Variants in TMEM63B observed in about 807,000 individuals in gnomAD.
The protein encoded by TMEM63B is transmembrane protein 63B.
TMEM63B carries 23 observed loss-of-function variants against 102.6 expected under a neutral mutation model. The ratio of observed to expected loss-of-function variants is 0.22; its 90% confidence interval spans 0.16 to 0.32. The LOEUF (loss-of-function observed/expected upper bound fraction) is 0.32, where lower values mean the gene tolerates loss of function less well. Among genes scored for constraint, TMEM63B ranks in the 10% least tolerant of loss-of-function variants. The pLI is 1.00. For missense variants in TMEM63B, 628 were observed against 1,095.9 expected, an observed-to-expected ratio of 0.57 and a Z score of 6.03; for synonymous variants, 444 against 437.0, an observed-to-expected ratio of 1.02 and a Z score of -0.20.
chr6:44,149,022 T>TGCCCA, intron 15 of TMEM63B, 77 bp downstream of exon 15: 1 of 1,607,198 alleles, frequency 6.2e-7, no homozygotes, highest in South Asian at 1.1e-5. Context: ...CTCTTCCACT[T>TGCCCA]GCCCAGCCCA....
At chr6:44,145,863 A>T (rs1304384214) in intron 10 of TMEM63B, among the ~76,000 whole-genome samples, 1 of 152,226 alleles carries the variant, frequency 6.6e-6, no homozygotes, top group East Asian at 1.9e-4. Flanking sequence ...GGTACTAGTG[A>T]GTCAGTGCCA....
At position 44,150,741 on chromosome 6, in the gene TMEM63B, G is replaced by A. The variant is rs947536596; in HGVS notation, c.1673+112G>A. 2.2e-5 allele frequency: 25 copies of A among 1,143,262 alleles called. No homozygotes were observed. In the Admixed American group the frequency reaches 4.7e-4, roughly 21 times the overall value. The allele number at this position is 1,143,262 out of a possible 1,614,324, so 70.8% of individuals were successfully genotyped here. A position where few individuals can be genotyped will look rare whatever the true frequency, so the allele number is the denominator to read the frequency against. Reference sequence around the variant, plus strand: ...AACAAAGCTTCCAACTCCTGGAGGGGGCAGAAGAGAGAGGATCTGGCGGGG... The same window carrying A: ...AACAAAGCTTCCAACTCCTGGAGGGAGCAGAAGAGAGAGGATCTGGCGGGG... On this transcript the variant is annotated intron_variant, in intron 18 of 23. Coordinates refer to ENST00000323267, the MANE Select transcript of TMEM63B (RefSeq NM_018426.3). This position sits in a 1 kb window ranked among gnomAD's most constrained non-coding sequence, Gnocchi z 4.7.
chr6:44,138,958 A>G, intron 6 of TMEM63B: 2 of 248,848 alleles, frequency 8.0e-6, no homozygotes, highest in Non-Finnish European at 1.6e-5. Context: ...CCACTCCCCC[A>G]GGCCTCCCCC....
chr6:44,155,063 C>T lies in TMEM63B; in HGVS notation c.*180C>T. 4.9e-6 allele frequency: 3 copies of T among 606,494 alleles called. No individual in the cohort carries two copies. The allele number at this position is 606,494 out of a possible 1,614,324, so 37.6% of individuals were successfully genotyped here. ...CCCATGATGGAGGGAGGGAGCCCCC[C>T]AACCTCAGTGAGGAGAGCCCCGAGC... On this transcript the variant is annotated 3_prime_UTR_variant, in exon 24 of 24. Transcript: ENST00000323267.
chr6:44,149,007 G>T, intron 15 of TMEM63B, 62 bp downstream of exon 15: 1 of 1,611,836 alleles, frequency 6.2e-7, no homozygotes. Flanking sequence ...ACCAGGCCCT[G>T]ATCCCTCTTC....
chr6:44,141,655 T>G (rs1764286747), intron 10 of TMEM63B, among the ~76,000 whole-genome samples: 1 of 152,126 alleles, frequency 6.6e-6, no homozygotes, highest in African/African-American at 2.4e-5. Flanking sequence ...GGGATGCACC[T>G]TGGGGCGCAG....
rs747565058 is a variant in TMEM63B, at chr6:44,153,806, C to T, written c.2073C>T (p.Cys691=). Residue 691 remains cysteine, a synonymous_variant, in exon 21 of 24, where the codon TGC becomes TGT. Transcript: ENST00000323267. ...AGGTGGTGGCCGCGCCCATCCTCTGCCTCTTCTGGCTGCTCTTCTTTTCCA... is the reference window on the plus strand; with the variant it reads ...AGGTGGTGGCCGCGCCCATCCTCTGTCTCTTCTGGCTGCTCTTCTTTTCCA... The part of the protein sequence containing the change: ...VNQVVAAPIL[C]LFWLLFFSTM... 1.2e-6 allele frequency: 2 copies of T among 1,614,068 alleles called. No individual in the cohort carries two copies. Among genetic ancestry groups the T allele is most frequent in the Non-Finnish European group, 1.7e-6 (2 of 1,179,990 alleles).
At position 44,133,315 on chromosome 6, in the gene TMEM63B, G is replaced by A. The variant is rs9462963; in HGVS notation, c.-24-1246G>A. ...TGCCCTGTGGTTGAAGTGTTAGGAAGAGGCAGGAGAAACCCTCTGAGTCCC... is the reference window on the plus strand; with the variant it reads ...TGCCCTGTGGTTGAAGTGTTAGGAAAAGGCAGGAGAAACCCTCTGAGTCCC... On this transcript the variant is annotated intron_variant, in intron 1 of 23. Transcript: ENST00000323267. 9.5e-3 allele frequency among the ~76,000 whole-genome samples: 1,445 copies of A among 152,270 alleles called. 19 individuals are homozygous for A. Among genetic ancestry groups the A allele is most frequent in the African/African-American group, 0.031 (1,291 of 41,548 alleles).
At position 44,150,033 on chromosome 6, in the gene TMEM63B, G is replaced by T. The variant is rs1766269697; in HGVS notation, c.1520+68G>T. On this transcript the variant is annotated intron_variant, in intron 16 of 23. Coordinates refer to ENST00000323267, the MANE Select transcript of TMEM63B (RefSeq NM_018426.3). The surrounding 1 kb of genome is among the most constrained non-coding windows in gnomAD (Gnocchi z 4.7). Reference sequence around the variant, plus strand: ...CTCAATGACCCATCCTCTCTGGGCAGCACTTTGCCCTTCAGGCTCCTGGCC... The same window carrying T: ...CTCAATGACCCATCCTCTCTGGGCATCACTTTGCCCTTCAGGCTCCTGGCC... 6 of 1,501,422 alleles carry T rather than the reference G, an allele frequency of 4.0e-6. No homozygotes were observed. The South Asian group carries it at 7.1e-5, about 18-fold the overall frequency. 93.0% of individuals were successfully genotyped at this position (1,501,422 alleles called of 1,614,324 possible).
Position 44,149,909 on chromosome 6 carries a change from G to T in TMEM63B, c.1464G>T (p.Ser488=), listed in dbSNP as rs755947120. 3.1e-6 allele frequency: 5 copies of T among 1,613,510 alleles called. No homozygotes were observed. The highest frequency in any genetic ancestry group is 2.2e-5 in the South Asian group (2 of 90,856). ...CCACCCTGCTGCTGTGGTGCTTCTCGGCCCTCCTTCCCACCATCGTCTACT... is the reference window on the plus strand; with the variant it reads ...CCACCCTGCTGCTGTGGTGCTTCTCTGCCCTCCTTCCCACCATCGTCTACT... ...FFPTLLLWCF[S]ALLPTIVYYS... Residue 488 remains serine (S), a synonymous_variant, in exon 16 of 24, where the codon TCG becomes TCT. Transcript: ENST00000323267.
chr6:44,140,065 A>G (rs1489649810), intron 8 of TMEM63B, among the ~76,000 whole-genome samples, 187 bp from the exon 9 acceptor site: 1 of 152,114 alleles, frequency 6.6e-6, no homozygotes, highest in East Asian at 1.9e-4. Flanking sequence ...TTTTCATTGG[A>G]ATCGAAGAAT....
chr6:44,143,599 C>G (rs1214482127), intron 10 of TMEM63B, among the ~76,000 whole-genome samples: 1 of 151,804 alleles, frequency 6.6e-6, no homozygotes, highest in Non-Finnish European at 1.5e-5. Flanking sequence ...TTTTTTGATA[C>G]AAATATCTAG....
Position 44,138,259 on chromosome 6 carries a change from A to T in TMEM63B, c.370-221A>T, listed in dbSNP as rs1387835046. 1.2e-5 allele frequency: 7 copies of T among 578,282 alleles called. No individual in the cohort carries two copies. The African/African-American group carries it at 1.3e-4, about 11-fold the overall frequency. 35.8% of individuals were successfully genotyped at this position (578,282 alleles called of 1,614,324 possible). A position where few individuals can be genotyped will look rare whatever the true frequency, so the allele number is the denominator to read the frequency against. On this transcript the variant is annotated intron_variant, in intron 5 of 23. Coordinates refer to ENST00000323267, the MANE Select transcript of TMEM63B (RefSeq NM_018426.3). ...TCTGGACATGGGGATTCACAGATAA[A>T]CCTGTTTAGTGTTGGTCTTTTTTCT...
chr6:44,131,314 A>T (rs527491113), intron 1 of TMEM63B, among the ~76,000 whole-genome samples: 168 of 152,270 alleles, frequency 1.1e-3, no homozygotes, highest in African/African-American at 3.9e-3. Flanking sequence ...TCTTTGTTAC[A>T]GATTGGAAGA....
chr6:44,135,289 C>T, intron 3 of TMEM63B, 39 bp from the exon 4 acceptor site: 1 of 1,601,762 alleles, frequency 6.2e-7, no homozygotes, highest in Non-Finnish European at 8.5e-7. Flanking sequence ...CAGGGACTCT[C>T]CCCCGCCCCT....
rs997902831 is a variant in TMEM63B at position 44,155,258 on chromosome 6, TC to T, written c.*383del. 5.2e-5 allele frequency: 8 copies of T among 153,940 alleles called. No individual in the cohort carries two copies. The highest frequency in any genetic ancestry group is 2.1e-4 in the South Asian group (1 of 4,822). The allele number at this position is 153,940 out of a possible 1,614,324, so 9.5% of individuals were successfully genotyped here. Reference sequence around the variant, plus strand: ...GGGGGGCAGGTGGATCTGGGGCTGTTCCCCCCCCTCCGTTTTTTCCACCCCA... The same window carrying T: ...GGGGGGCAGGTGGATCTGGGGCTGTTCCCCCCCTCCGTTTTTTCCACCCCA... On this transcript the variant is annotated 3_prime_UTR_variant, in exon 24 of 24. Coordinates refer to ENST00000323267, the MANE Select transcript of TMEM63B (RefSeq NM_018426.3).
intron 1 of TMEM63B, among the ~76,000 whole-genome samples, chr6:44,132,644 C>G (rs1012436621): frequency 6.6e-6 from 1 of 152,130 alleles, no homozygotes; most frequent in African/African-American, 2.4e-5. Flanking sequence ...ACCCGGGCTC[C>G]CAGACACACC....
chr6:44,153,553 G>A, intron 20 of TMEM63B, 123 bp from the exon 21 acceptor site: 4 of 1,166,566 alleles, frequency 3.4e-6, no homozygotes, highest in Non-Finnish European at 4.7e-6. Flanking sequence ...TCCCGTCCTG[G>A]GGCCCGGGCA....
chr6:44,136,724 C>T (rs1763035691), intron 5 of TMEM63B, among the ~76,000 whole-genome samples: 1 of 152,228 alleles, frequency 6.6e-6, no homozygotes, highest in Admixed American at 6.5e-5. Flanking sequence ...GCTGATTAAT[C>T]CTAAGGCCAC....
Sources: gnomAD v4.1 joint callset for allele counts (sites outside exome capture counted in the v4.1 genomes callset) on GRCh38, gnomAD v4.1.1 for gene constraint, Gnocchi (gnomAD v3.1) non-coding constraint, MANE v1.5 for transcripts, NCBI Gene and HGNC (gene_info 2026-07-23, HGNC 2026-07-21) for gene names.